Variants in GRID1 observed in about 807,000 individuals in gnomAD.
GRID1 encodes glutamate ionotropic receptor delta type subunit 1, also known as glutamate receptor ionotropic, delta-1.
Under a neutral mutation model 98.0 loss-of-function variants are expected in GRID1, and 28 were observed. That is an observed-to-expected ratio of 0.29 (90% CI 0.21 to 0.39). The LOEUF (loss-of-function observed/expected upper bound fraction) is 0.39, where lower values mean the gene tolerates loss of function less well. Ranked by LOEUF, GRID1 falls within the 10% of genes least tolerant of loss-of-function variation. GRID1 has a pLI of 1.00. For missense variants in GRID1, 1,111 were observed against 1,340.5 expected (o/e 0.83, Z 2.67); for synonymous variants, 553 against 538.5 (o/e 1.03, Z -0.37).
intron 4 of GRID1, among the ~76,000 whole-genome samples, chr10:86,085,754 G>A (rs1844044447): frequency 6.6e-6 from 1 of 152,072 alleles, no homozygotes; most frequent in African/African-American, 2.4e-5. Context: ...CTTGCAGGCA[G>A]GGGACATCAG....
chr10:86,206,745 G>A lies in GRID1; in HGVS notation c.236-97C>T. The A allele has an allele frequency of 1.7e-6, 2 of 1,184,006 alleles. No homozygotes were observed. Among genetic ancestry groups the A allele is most frequent in the East Asian group, 2.5e-5 (1 of 39,824 alleles). The allele number at this position is 1,184,006 out of a possible 1,614,324, so 73.3% of individuals were successfully genotyped here. On this transcript the variant is annotated intron_variant, in intron 2 of 15. Transcript: ENST00000327946. This position sits in a 1 kb window ranked among gnomAD's most constrained non-coding sequence, Gnocchi z 4.1. Reference sequence around the variant, plus strand: ...CCCATGCCTGGCAGCTCATGCCCAGGACTCCCAAGAGAGGCTGCCTCCCTC... The same window carrying A: ...CCCATGCCTGGCAGCTCATGCCCAGAACTCCCAAGAGAGGCTGCCTCCCTC...
intron 2 of GRID1, among the ~76,000 whole-genome samples, chr10:86,232,212 G>T (rs1846466605): frequency 6.6e-6 from 1 of 152,166 alleles, no homozygotes; most frequent in African/African-American, 2.4e-5. Context: ...GGCCCCAGGG[G>T]AATAACGCAG....
chr10:86,276,238 T>G (rs993936795), intron 2 of GRID1, among the ~76,000 whole-genome samples: 1 of 152,206 alleles, frequency 6.6e-6, no homozygotes, highest in African/African-American at 2.4e-5. Flanking sequence ...TCTCTTTGGC[T>G]TATAGATTGC....
At chr10:85,670,003 T>G (rs1189883898) in intron 12 of GRID1, among the ~76,000 whole-genome samples, 1 of 152,238 alleles carries the variant, frequency 6.6e-6, no homozygotes, top group African/African-American at 2.4e-5. Flanking sequence ...TCTTTAAAAA[T>G]GTGGTACAAA....
At chr10:85,915,226 A>G (rs1049532798) in intron 5 of GRID1, among the ~76,000 whole-genome samples, 2 of 152,116 alleles carry the variant, frequency 1.3e-5, no homozygotes, top group African/African-American at 4.8e-5. Context: ...GCATGCACAC[A>G]CAAACACACA....
intron 13 of GRID1, among the ~76,000 whole-genome samples, chr10:85,632,823 C>T (rs1842990923): frequency 1.3e-5 from 2 of 152,180 alleles, no homozygotes; most frequent in African/African-American, 4.8e-5. Flanking sequence ...CACCTATCAA[C>T]CCATTACCTA....
At chr10:85,645,590 C>T (rs1048048197) in intron 13 of GRID1, 3 of 152,176 alleles carry the variant, frequency 2.0e-5, no homozygotes, top group African/African-American at 7.2e-5. Context: ...AGGAGACCAC[C>T]AAATGGAAAG....
At chr10:86,251,926 T>G (rs1443969243) in intron 2 of GRID1, among the ~76,000 whole-genome samples, 3 of 152,172 alleles carry the variant, frequency 2.0e-5, no homozygotes, top group African/African-American at 4.8e-5. Flanking sequence ...GCACTCTCAT[T>G]GCCTAAAGGA....
At chr10:86,355,575 C>T (rs546465617) in intron 2 of GRID1, among the ~76,000 whole-genome samples, 3 of 152,300 alleles carry the variant, frequency 2.0e-5, no homozygotes, top group South Asian at 2.1e-4. Context: ...GACCTAGAAA[C>T]GGAAGGGGCA....
chr10:86,115,942 T>C (rs7903342), intron 4 of GRID1, among the ~76,000 whole-genome samples: 108,147 of 152,142 alleles, frequency 0.71, 40,533 homozygotes, highest in Non-Finnish European at 0.83. Flanking sequence ...ACATATACCA[T>C]TAGATATACA....
At chr10:85,914,898 T>C (rs1997001) in intron 5 of GRID1, among the ~76,000 whole-genome samples, 137,781 of 152,194 alleles carry the variant, frequency 0.91, 62,507 homozygotes, top group African/African-American at 0.97. Context: ...GTGAATATAG[T>C]GCACTGAGGT....
intron 2 of GRID1, among the ~76,000 whole-genome samples, chr10:86,306,185 G>T (rs1260924547): frequency 6.6e-6 from 1 of 152,198 alleles, no homozygotes; most frequent in African/African-American, 2.4e-5. Context: ...CTCTTCTCCA[G>T]ATCTTAAAAG....
At chr10:86,173,590 T>TATTATA (rs1845526872) in intron 3 of GRID1, among the ~76,000 whole-genome samples, 1 of 151,296 alleles carries the variant, frequency 6.6e-6, no homozygotes, top group Non-Finnish European at 1.5e-5. Context: ...TTTATTTTAT[T>TATTATA]ATACTTTAAG....
At chr10:86,004,702 A>G (rs1053749149) in intron 4 of GRID1, among the ~76,000 whole-genome samples, 2 of 145,616 alleles carry the variant, frequency 1.4e-5, no homozygotes, top group African/African-American at 2.6e-5. Flanking sequence ...AAATCTCTCT[A>G]TCTCTCTCTG....
At chr10:86,172,316 C>T (rs959944342) in intron 3 of GRID1, among the ~76,000 whole-genome samples, 2 of 152,196 alleles carry the variant, frequency 1.3e-5, no homozygotes, top group South Asian at 4.1e-4. Context: ...CATCGCTACC[C>T]TAGCACTCAT....
At chr10:85,786,550 C>T (rs755672575) in intron 8 of GRID1, among the ~76,000 whole-genome samples, 9 of 152,186 alleles carry the variant, frequency 5.9e-5, no homozygotes, top group South Asian at 4.1e-4. Context: ...ATTGGAACCA[C>T]GTGGGCCCGC....
chr10:86,351,129 C>G (rs1473976548), intron 2 of GRID1, among the ~76,000 whole-genome samples: 1 of 152,256 alleles, frequency 6.6e-6, no homozygotes, highest in East Asian at 1.9e-4. Flanking sequence ...CAGTGAGATT[C>G]CTGGGCCAGC....
intron 4 of GRID1, among the ~76,000 whole-genome samples, chr10:86,110,708 T>C (rs118136496): frequency 0.024 from 3,614 of 152,246 alleles, 97 homozygotes; most frequent in Non-Finnish European, 0.032. Flanking sequence ...ACAGCTTTCA[T>C]CCTAACAAAA....
chr10:85,981,037 C>A (rs192800617), intron 4 of GRID1, among the ~76,000 whole-genome samples: 178 of 152,270 alleles, frequency 1.2e-3, no homozygotes, highest in Non-Finnish European at 2.2e-3. Flanking sequence ...CGTGGAGGGG[C>A]CACTAGCTCC....
Sources: allele counts gnomAD v4.1 joint callset (sites outside exome capture counted in the v4.1 genomes callset), GRCh38; gene constraint gnomAD v4.1.1; non-coding constraint Gnocchi (gnomAD v3.1); transcripts MANE v1.5; gene names NCBI Gene and HGNC (gene_info 2026-07-23, HGNC 2026-07-21).